APOBEC3D: variants seen among roughly 807,000 people sequenced by gnomAD.
APOBEC3D encodes DNA dC->dU-editing enzyme APOBEC-3D.
Under a neutral mutation model 45.6 loss-of-function variants are expected in APOBEC3D, and 37 were observed. The ratio of observed to expected loss-of-function variants is 0.81; its 90% CI spans 0.62 to 1.07. The LOEUF is 1.07. APOBEC3D is among the 50% of genes least tolerant of loss of function. APOBEC3D has a pLI of 0.00. For synonymous variants in APOBEC3D, 175 were observed against 180.7 expected, an observed-to-expected ratio of 0.97 and a Z score of 0.25; for missense variants, 496 against 495.3, an observed-to-expected ratio of 1.00 and a Z score of -0.01.
In APOBEC3D at chr22:39,032,323, T is replaced by C. The variant is rs1261650917; in HGVS notation, c.*7T>C. ...ACGGGAGATTCTCCAGTGAGGGGTC[T>C]CCCTGGGCCTCATGGTCTGTCTCTT... On this transcript the variant is annotated 3_prime_UTR_variant, in exon 7 of 7. Transcript: ENST00000216099. The C allele has an allele frequency of 6.2e-7, 1 of 1,613,546 alleles. No individual in the cohort carries two copies. The highest frequency in any genetic ancestry group is 1.3e-5 in the African/African-American group (1 of 74,906).
chr22:39,031,604 A>T (rs1926218299), intron 5 of APOBEC3D, 90 bp from the exon 6 acceptor site: 16 of 1,527,206 alleles, frequency 1.0e-5, no homozygotes, highest in Non-Finnish European at 1.2e-5. Context: ...CTGGGGCTTC[A>T]GGCCTGCCCT....
chr22:39,026,011 G>A (rs1164394340), intron 4 of APOBEC3D, among the ~76,000 whole-genome samples: 2 of 152,220 alleles, frequency 1.3e-5, no homozygotes, highest in Admixed American at 6.5e-5. Context: ...AAGTGGGCAT[G>A]AATAGTCACA....
chr22:39,023,449 C>CTTTTTTTT (rs202241274), intron 2 of APOBEC3D, among the ~76,000 whole-genome samples: 1 of 133,912 alleles, frequency 7.5e-6, no homozygotes. Context: ...TTCTTTCTTT[C>CTTTTTTTT]TTTTTTTTTT....
rs1011938374 is a variant in APOBEC3D at position 39,032,081 on chromosome 22, A to T, written c.1042+108A>T. On this transcript the variant is annotated intron_variant, in intron 6 of 6. Transcript: ENST00000216099. Reference sequence around the variant, plus strand: ...CAGTGTCCCCGGGAAGCCTGCAGGGATGGGGCCGGCGCCAGCTGCAACTGG... The same window carrying T: ...CAGTGTCCCCGGGAAGCCTGCAGGGTTGGGGCCGGCGCCAGCTGCAACTGG... 1.9e-6 allele frequency: 3 copies of T among 1,584,826 alleles called. No individual in the cohort carries two copies. In the Admixed American group the frequency reaches 5.2e-5, roughly 28 times the overall value.
chr22:39,022,411 G>C (rs903515827), intron 1 of APOBEC3D, among the ~76,000 whole-genome samples: 2 of 152,200 alleles, frequency 1.3e-5, no homozygotes, highest in African/African-American at 4.8e-5. Flanking sequence ...CTCAGAATTC[G>C]GTTCTACCAT....
rs758205857 is a variant in APOBEC3D, at chr22:39,022,964, G to A, written c.160G>A (p.Val54Ile). The change falls in exon 2 of 7, where the codon GTC becomes ATC. Residue 54 changes from valine (V) to isoleucine (I), a missense_variant. Val to Ile is a conservative substitution (Grantham distance 29). Transcript: ENST00000216099. ...GRSNLLWDTG[V>I]FRGPVLPKRQ... ...CTCAAATCTCCTTTGGGACACAGGG[G>A]TCTTTCGAGGCCCGGTACTACCCAA... The A allele has an allele frequency of 6.2e-7, 1 of 1,613,744 alleles. No individual in the cohort carries two copies. Among genetic ancestry groups the A allele is most frequent in the South Asian group, 1.1e-5 (1 of 91,030 alleles).
chr22:39,021,797 C>G (rs533664689), intron 1 of APOBEC3D, among the ~76,000 whole-genome samples: 1 of 152,238 alleles, frequency 6.6e-6, no homozygotes, highest in Middle Eastern at 3.2e-3. Flanking sequence ...CATGGCCAGG[C>G]CGGTGCTCCC....
chr22:39,027,284 G>T lies in APOBEC3D; in HGVS notation c.605+1613G>T, dbSNP rs1293888544. The stretch of plus-strand genomic sequence containing the variant: ...GGGGGCACGCATGGCATCCTGGGGG[G>T]ACATCTGAGGGCACCCCCACCCACT... On this transcript the variant is annotated intron_variant, in intron 4 of 6. Transcript: ENST00000216099. Among the ~76,000 whole-genome samples the T allele has an allele frequency of 2.6e-5, 4 of 152,158 alleles. No individual in the cohort carries two copies. In the South Asian group the frequency reaches 8.3e-4, roughly 32 times the overall value.
At chr22:39,025,380 C>G in intron 3 of APOBEC3D, 31 bp downstream of exon 3, 15 of 1,611,934 alleles carry the variant, frequency 9.3e-6, no homozygotes, top group Non-Finnish European at 1.2e-5. Context: ...GGGAGCATGA[C>G]GGGGAGGAAC....
rs200308570 is a variant in APOBEC3D at position 39,029,433 on chromosome 22, C to A, written c.676C>A (p.Arg226=). The A allele has an allele frequency of 8.7e-5, 141 of 1,614,166 alleles. No individual in the cohort carries two copies. The highest frequency in any genetic ancestry group is 1.1e-4 in the Non-Finnish European group (131 of 1,180,046). ...TAAAAACCTACTGAAAGCCTGTGGTCGGAACGAAAGCTGGCTGTGCTTCAC... is the reference window on the plus strand; with the variant it reads ...TAAAAACCTACTGAAAGCCTGTGGTAGGAACGAAAGCTGGCTGTGCTTCAC... The part of the protein sequence containing the change: ...HFKNLLKACG[R]NESWLCFTME... The change falls in exon 5 of 7, where the codon CGG becomes AGG. Residue 226 remains arginine, a synonymous_variant. Coordinates refer to ENST00000216099, the MANE Select transcript of APOBEC3D (RefSeq NM_152426.4).
chr22:39,029,579 A>T, intron 5 of APOBEC3D, 60 bp downstream of exon 5: 1 of 1,598,828 alleles, frequency 6.3e-7, no homozygotes, highest in Non-Finnish European at 8.6e-7. Context: ...AACGCAGAAA[A>T]CACAATACGT....
At position 39,021,512 on chromosome 22, in the gene APOBEC3D, G is replaced by C. The variant is rs1267535671; in HGVS notation, c.-8G>C. 1 of 1,614,198 alleles carries C rather than the reference G, an allele frequency of 6.2e-7. No individual in the cohort carries two copies. The highest frequency in any genetic ancestry group is 8.5e-7 in the Non-Finnish European group (1 of 1,180,034). On this transcript the variant is annotated 5_prime_UTR_variant, in exon 1 of 7. Coordinates refer to ENST00000216099, the MANE Select transcript of APOBEC3D (RefSeq NM_152426.4). Reference sequence around the variant, plus strand: ...GAGACTGGGACAAGCGTATCTAAGAGGCTGAACATGAATCCACAGATCAGG... The same window carrying C: ...GAGACTGGGACAAGCGTATCTAAGACGCTGAACATGAATCCACAGATCAGG...
intron 4 of APOBEC3D, among the ~76,000 whole-genome samples, 160 bp downstream of exon 4, chr22:39,025,831 G>A (rs1215392252): frequency 6.6e-6 from 1 of 150,848 alleles, no homozygotes; most frequent in Non-Finnish European, 1.5e-5. Flanking sequence ...CCTCCACCTT[G>A]GTGCCTCCCC....
intron 4 of APOBEC3D, 97 bp downstream of exon 4, chr22:39,025,768 G>GC (rs11364441): frequency 1.2e-5 from 19 of 1,588,984 alleles, no homozygotes; most frequent in Admixed American, 3.4e-5. Flanking sequence ...CCTCCGTCCT[G>GC]CCCCCCTGCC....
chr22:39,023,698 C>T (rs1171063571), intron 2 of APOBEC3D, among the ~76,000 whole-genome samples: 1 of 152,160 alleles, frequency 6.6e-6, no homozygotes, highest in Non-Finnish European at 1.5e-5. Context: ...ATCCACCCAA[C>T]TCGGCCTCTG....
intron 4 of APOBEC3D, among the ~76,000 whole-genome samples, chr22:39,026,610 C>T (rs1414046068): frequency 6.6e-6 from 1 of 152,188 alleles, no homozygotes; most frequent in East Asian, 1.9e-4. Flanking sequence ...CCCCTCCCTC[C>T]AGACCATGGC....
At chr22:39,022,339 C>A (rs544069390) in intron 1 of APOBEC3D, among the ~76,000 whole-genome samples, 11 of 152,324 alleles carry the variant, frequency 7.2e-5, no homozygotes, top group Non-Finnish European at 1.3e-4. Context: ...ATGGTCCCTG[C>A]AGGCCTAGGG....
chr22:39,033,174 G>A lies in APOBEC3D; in HGVS notation c.*858G>A, dbSNP rs1342098767. The A allele has an allele frequency of 3.4e-5, 26 of 763,146 alleles. No homozygotes were observed. In the South Asian group the frequency reaches 7.2e-4, roughly 21 times the overall value. 47.3% of individuals were successfully genotyped at this position (763,146 alleles called of 1,614,324 possible). A position where few individuals can be genotyped will look rare whatever the true frequency, so the allele number is the denominator to read the frequency against. On this transcript the variant is annotated 3_prime_UTR_variant, in exon 7 of 7. Coordinates refer to ENST00000216099, the MANE Select transcript of APOBEC3D (RefSeq NM_152426.4). ...GGAGGCTGGAGTAAACTGAGATCGC[G>A]CCACAGAACTCCAGTTTGAGCAACA...
chr22:39,021,311 T>G lies in APOBEC3D; in HGVS notation c.-209T>G. ...TTAGTAGAGACGGGGTTTCTCCATG[T>G]TGGTCAGGCTGGTCTCGAACTCCTG... On this transcript the variant is annotated 5_prime_UTR_variant, in exon 1 of 7. Coordinates refer to ENST00000216099, the MANE Select transcript of APOBEC3D (RefSeq NM_152426.4). The G allele has an allele frequency of 1.8e-6, 1 of 556,710 alleles. No individual in the cohort carries two copies. Among genetic ancestry groups the G allele is most frequent in the East Asian group, 3.4e-5 (1 of 29,416 alleles). The allele number at this position is 556,710 out of a possible 1,614,324, so 34.5% of individuals were successfully genotyped here.
Sources: gnomAD v4.1 joint callset for allele counts (sites outside exome capture counted in the v4.1 genomes callset) on GRCh38, gnomAD v4.1.1 for gene constraint, MANE v1.5 for transcripts, NCBI Gene and HGNC (gene_info 2026-07-23, HGNC 2026-07-21) for gene names.